SMC1B: variants seen among roughly 807,000 people sequenced by gnomAD.
SMC1B encodes the protein structural maintenance of chromosomes 1B.
SMC1B carries 60 observed loss-of-function variants against 157.9 expected under a neutral mutation model. The ratio of observed to expected loss-of-function variants is 0.38; its 90% CI spans 0.31 to 0.47. The LOEUF is 0.47. Ranked by LOEUF, SMC1B falls within the 20% of genes least tolerant of loss-of-function variation. The pLI is 0.99. For missense variants in SMC1B, 1,165 were observed against 1,426.2 expected (o/e 0.82, Z 2.95); for synonymous variants, 445 against 483.0 (o/e 0.92, Z 1.03).
chr22:45,348,515 T>C (rs1408910032), intron 23 of SMC1B, among the ~76,000 whole-genome samples: 1 of 152,186 alleles, frequency 6.6e-6, no homozygotes, highest in Non-Finnish European at 1.5e-5. Context: ...TTGGGGCCTG[T>C]TATTAGGGGT....
At chr22:45,390,029 G>A in intron 9 of SMC1B, 132 bp from the exon 10 acceptor site, 1 of 711,526 alleles carries the variant, frequency 1.4e-6, no homozygotes, top group South Asian at 2.0e-5. Flanking sequence ...ATAATTAATA[G>A]AGTTTTATTC....
At chr22:45,380,246 G>C (rs1391355926) in intron 12 of SMC1B, among the ~76,000 whole-genome samples, 1 of 152,076 alleles carries the variant, frequency 6.6e-6, no homozygotes, top group East Asian at 1.9e-4. Context: ...TTGAAGGGCA[G>C]GTAGCTTAGC....
Position 45,344,619 on chromosome 22 carries a change from A to G in SMC1B, c.3645T>C (p.Asp1215=), listed in dbSNP as rs1445940406. ...DCMFSRVLTL[D]LSQYPDTEGQ... ...CTTCAGTGTCTGGATACTGAGAAAG[A>G]TCTAGGGTCAAAACTCGGCTGAACA... Residue 1215 remains aspartate, a synonymous_variant, in exon 25 of 25, where the codon GAT becomes GAC. Transcript: ENST00000357450. 2 of 1,614,146 alleles carry G rather than the reference A, an allele frequency of 1.2e-6. No individual in the cohort carries two copies. The highest frequency in any genetic ancestry group is 2.7e-5 in the African/African-American group (2 of 75,066).
Position 45,413,554 on chromosome 22 carries a change from T to C in SMC1B, c.14A>G (p.Glu5Gly). 1.2e-6 allele frequency: 2 copies of C among 1,608,854 alleles called. No individual in the cohort carries two copies. The highest frequency in any genetic ancestry group is 1.7e-6 in the Non-Finnish European group (2 of 1,177,630). Residue 5 changes from glutamate (E) to glycine (G), a missense_variant, in exon 1 of 25, where the codon GAG (glutamate) becomes GGG (glycine). Glu to Gly is a moderately conservative substitution (Grantham distance 98). Coordinates refer to ENST00000357450, the MANE Select transcript of SMC1B (RefSeq NM_148674.5). MAHLELLLVENFKSW... is the reference protein window; with the variant it reads MAHLGLLLVENFKSW... Reference sequence around the variant, plus strand: ...CTTGAAATTTTCCACAAGCAGCAGCTCCAGGTGGGCCATGGCGCCGCCCTC... The same window carrying C: ...CTTGAAATTTTCCACAAGCAGCAGCCCCAGGTGGGCCATGGCGCCGCCCTC...
At chr22:45,377,441 A>T (rs997119003) in intron 12 of SMC1B, among the ~76,000 whole-genome samples, 3 of 151,942 alleles carry the variant, frequency 2.0e-5, no homozygotes, top group African/African-American at 7.2e-5. Context: ...GTTCCAGACC[A>T]GCCTGGCCAG....
intron 4 of SMC1B, among the ~76,000 whole-genome samples, chr22:45,403,565 T>C (rs1050495599): frequency 2.0e-5 from 3 of 152,204 alleles, no homozygotes; most frequent in African/African-American, 4.8e-5. Flanking sequence ...GAGATCCTTC[T>C]GTGTCAGCCT....
At chr22:45,407,317 T>A (rs1486391416) in intron 2 of SMC1B, among the ~76,000 whole-genome samples, 1 of 152,176 alleles carries the variant, frequency 6.6e-6, no homozygotes, top group African/African-American at 2.4e-5. Flanking sequence ...CCAAGATCTT[T>A]ACCCTAAAAC....
At chr22:45,398,743 C>T (rs1402360749) in intron 6 of SMC1B, among the ~76,000 whole-genome samples, 2 of 152,056 alleles carry the variant, frequency 1.3e-5, no homozygotes, top group East Asian at 1.9e-4. Flanking sequence ...GCAGGAGAAT[C>T]GCTTGAACCC....
At chr22:45,391,008 G>T (rs549224891) in intron 9 of SMC1B, among the ~76,000 whole-genome samples, 2 of 150,310 alleles carry the variant, frequency 1.3e-5, no homozygotes, top group African/African-American at 2.4e-5. Flanking sequence ...ATTATCTCAG[G>T]CCTTTCTTCA....
At chr22:45,350,795 C>G (rs1410780716) in intron 22 of SMC1B, among the ~76,000 whole-genome samples, 1 of 152,176 alleles carries the variant, frequency 6.6e-6, no homozygotes, top group Non-Finnish European at 1.5e-5. Context: ...TCACTTCCTT[C>G]ACACCCGTAC....
chr22:45,356,727 CTTTT>C (rs1174032906), intron 19 of SMC1B, among the ~76,000 whole-genome samples: 2 of 126,428 alleles, frequency 1.6e-5, no homozygotes, highest in South Asian at 5.2e-4. Context: ...TTTTTCTTTT[CTTTT>C]TTTTTTTTTT....
At chr22:45,400,222 G>A (rs945869700) in intron 5 of SMC1B, among the ~76,000 whole-genome samples, 1 of 152,094 alleles carries the variant, frequency 6.6e-6, no homozygotes, top group African/African-American at 2.4e-5. Context: ...CCGATAAAAG[G>A]AACCAGGGTT....
rs1268268576 is a variant in SMC1B at position 45,399,057 on chromosome 22, T to C, written c.1113+38A>G. 2.5e-6 allele frequency: 4 copies of C among 1,572,126 alleles called. No individual in the cohort carries two copies. In the African/African-American group the frequency reaches 4.1e-5, roughly 16 times the overall value. ...TTCTAATTCAAAGCAGCTGAAATAA[T>C]AGAAACACAAGATTTCCCCTAAGTT... is the stretch of plus-strand genomic sequence containing the variant. On this transcript the variant is annotated intron_variant, in intron 6 of 24. Coordinates refer to ENST00000357450, the MANE Select transcript of SMC1B (RefSeq NM_148674.5).
intron 10 of SMC1B, among the ~76,000 whole-genome samples, chr22:45,387,392 G>A (rs1401510703): frequency 6.6e-6 from 1 of 152,132 alleles, no homozygotes; most frequent in Non-Finnish European, 1.5e-5. Context: ...AGTAGTTGTA[G>A]TGAGCTGAGA....
At chr22:45,407,397 G>T (rs1435289004) in intron 2 of SMC1B, among the ~76,000 whole-genome samples, 1 of 152,078 alleles carries the variant, frequency 6.6e-6, no homozygotes, top group East Asian at 1.9e-4. Flanking sequence ...ACAAAGGACA[G>T]AACTCAGTCA....
intron 10 of SMC1B, among the ~76,000 whole-genome samples, chr22:45,388,986 C>CAAAAAAAAAAAAAAAAA (rs371475132): frequency 1.1e-4 from 6 of 54,426 alleles, no homozygotes; most frequent in African/African-American, 1.9e-4. Context: ...GACTCTGCCT[C>CAAAAAAAAAAAAAAAAA]AAAAAAAAAA....
intron 4 of SMC1B, among the ~76,000 whole-genome samples, chr22:45,405,834 A>C (rs2087253181): frequency 6.6e-6 from 1 of 152,188 alleles, no homozygotes; most frequent in South Asian, 2.1e-4. Context: ...ATGCACTAAC[A>C]GTGTGGACAA....
At chr22:45,376,117 T>C (rs867486087) in intron 12 of SMC1B, among the ~76,000 whole-genome samples, 1 of 152,302 alleles carries the variant, frequency 6.6e-6, no homozygotes, top group South Asian at 2.1e-4. Flanking sequence ...CATTTCTAAG[T>C]GTACAGTTCA....
At chr22:45,372,399 C>G in intron 12 of SMC1B, 107 bp from the exon 13 acceptor site, 1 of 881,422 alleles carries the variant, frequency 1.1e-6, no homozygotes, top group Non-Finnish European at 1.7e-6. Flanking sequence ...ACCACCACAC[C>G]TGCACCTTAC....
Sources: gnomAD v4.1 joint callset for allele counts (sites outside exome capture counted in the v4.1 genomes callset) on GRCh38, gnomAD v4.1.1 for gene constraint, MANE v1.5 for transcripts, NCBI Gene and HGNC (gene_info 2026-07-23, HGNC 2026-07-21) for gene names.